ZNF823: variants seen among roughly 807,000 people sequenced by gnomAD.
The protein encoded by ZNF823 is zinc finger protein 823.
In ZNF823, 5 loss-of-function variants were observed where a neutral mutation model predicts 11.4. That is an observed-to-expected ratio of 0.44 (90% CI 0.23 to 0.92). The LOEUF (loss-of-function observed/expected upper bound fraction) is 0.92. Among genes scored for constraint, ZNF823 ranks in the 40% least tolerant of loss-of-function variants. The probability of loss-of-function intolerance (pLI) is 0.24; values close to 1 mark genes in which losing one functional copy is unlikely to be tolerated. For missense variants in ZNF823, 582 were observed against 738.5 expected (o/e 0.79, Z 2.46); for synonymous variants, 234 against 250.5 (o/e 0.93, Z 0.62).
At chr19:11,735,966 A>C (rs1974985766) in intron 1 of ZNF823, among the ~76,000 whole-genome samples, 1 of 149,452 alleles carries the variant, frequency 6.7e-6, no homozygotes. Flanking sequence ...AGCTGTTGGA[A>C]AGTCCTGTCC....
intron 3 of ZNF823, 65 bp downstream of exon 3, chr19:11,724,129 A>T: frequency 7.4e-7 from 1 of 1,359,366 alleles, no homozygotes; most frequent in Non-Finnish European, 1.0e-6. Context: ...GCTCGTTTTT[A>T]AAATTTTCTT....
At position 11,722,444 on chromosome 19, in the gene ZNF823, G is replaced by A; in HGVS notation, c.1090C>T (p.Gln364Ter). The change falls in exon 4 of 4, where the codon CAG (glutamine) becomes TAG (stop). Residue 364 changes from glutamine to a stop codon, truncating the protein, a stop_gained. Transcript: ENST00000341191. LOFTEE classifies it low-confidence loss of function (END_TRUNC). This position sits in a 1 kb window ranked among gnomAD's most constrained non-coding sequence, Gnocchi z 5.2. ...CTATGAGATAACACTTTCCCACACT[G>A]CTTACATTCATAGGGTTTCTCTCCA... ...HTGEKPYECKQCGKVLSHSSS... is the reference protein window; with the variant it reads ...HTGEKPYECK 6.2e-7 allele frequency: 1 copy of A among 1,613,896 alleles called. No homozygotes were observed. The highest frequency in any genetic ancestry group is 2.2e-5 in the East Asian group (1 of 44,836).
chr19:11,728,119 C>T (rs897314649), intron 1 of ZNF823, among the ~76,000 whole-genome samples: 8 of 152,088 alleles, frequency 5.3e-5, no homozygotes, highest in African/African-American at 1.7e-4. Flanking sequence ...CCTCGTAATC[C>T]GCCCGCCTCG....
chr19:11,732,797 C>T (rs376604548), intron 1 of ZNF823, among the ~76,000 whole-genome samples: 3 of 152,304 alleles, frequency 2.0e-5, no homozygotes, highest in African/African-American at 7.2e-5. Flanking sequence ...GAAGCTGTCC[C>T]GATGTCTTTG....
At chr19:11,724,407 T>C (rs1456519803) in intron 2 of ZNF823, among the ~76,000 whole-genome samples, 153 bp from the exon 3 acceptor site, 2 of 152,144 alleles carry the variant, frequency 1.3e-5, no homozygotes, top group East Asian at 3.8e-4. Flanking sequence ...GCTCCACTCA[T>C]ACATGAATGT....
intron 1 of ZNF823, among the ~76,000 whole-genome samples, chr19:11,730,227 C>T (rs577765119): frequency 1.3e-5 from 2 of 152,068 alleles, no homozygotes; most frequent in South Asian, 4.2e-4. Context: ...CGTGCCTGGC[C>T]GTTTTCTTAT....
chr19:11,732,419 C>T (rs1974915814), intron 1 of ZNF823, among the ~76,000 whole-genome samples: 1 of 152,002 alleles, frequency 6.6e-6, no homozygotes, highest in Non-Finnish European at 1.5e-5. Context: ...CCCGCCTCAG[C>T]CTCCCAAAGT....
Position 11,721,806 on chromosome 19 carries a change from A to G in ZNF823, c.1728T>C (p.Thr576=), listed in dbSNP as rs1974683628. ...ATTCATACAGCTTCTCTCCAGTGTG[A>G]GTTTTTTCATGTCCTCGAAGGAAAC... ...RSRFLRGHEK[T]HTGEKLYECK... The change falls in exon 4 of 4, where the codon ACT becomes ACC. Residue 576 remains threonine, a synonymous_variant. Coordinates refer to ENST00000341191, the MANE Select transcript of ZNF823 (RefSeq NM_001080493.4). The G allele has an allele frequency of 6.2e-7, 1 of 1,614,108 alleles. No individual in the cohort carries two copies. Among genetic ancestry groups the G allele is most frequent in the African/African-American group, 1.3e-5 (1 of 75,008 alleles).
At chr19:11,729,475 C>A (rs1974855004) in intron 1 of ZNF823, among the ~76,000 whole-genome samples, 1 of 152,134 alleles carries the variant, frequency 6.6e-6, no homozygotes, top group African/African-American at 2.4e-5. Flanking sequence ...TAAGGCAAAA[C>A]TTATAAAACC....
In ZNF823 at chr19:11,722,228, C is replaced by A. The variant is rs773204771; in HGVS notation, c.1306G>T (p.Ala436Ser). ...SLAGSLRRHE[A>S]THTGVKPYKC... ...TAGGGTTTCACTCCAGTGTGAGTTGCTTCATGTCTTCGAAGGGAACCGGCA... is the reference window on the plus strand; with the variant it reads ...TAGGGTTTCACTCCAGTGTGAGTTGATTCATGTCTTCGAAGGGAACCGGCA... The change falls in exon 4 of 4, where the codon GCA (alanine) becomes TCA (serine). Residue 436 changes from alanine to serine, a missense_variant. This residue lies in a region of ZNF823 where 429 missense variants were observed against 553.7 expected (regional missense o/e 0.77). Transcript: ENST00000341191. This position sits in a 1 kb window ranked among gnomAD's most constrained non-coding sequence, Gnocchi z 5.2. 1 of 1,613,130 alleles carries A rather than the reference C, an allele frequency of 6.2e-7. No individual in the cohort carries two copies. Among genetic ancestry groups the A allele is most frequent in the Admixed American group, 1.7e-5 (1 of 59,930 alleles).
intron 1 of ZNF823, among the ~76,000 whole-genome samples, chr19:11,737,511 C>T (rs1975013830): frequency 6.6e-6 from 1 of 151,436 alleles, no homozygotes; most frequent in Non-Finnish European, 1.5e-5. Flanking sequence ...ATCCGCCAGC[C>T]TTAGCCTCCC....
intron 1 of ZNF823, chr19:11,730,374 A>T: frequency 6.6e-6 from 1 of 152,360 alleles, no homozygotes. Context: ...CTTGAGTTTG[A>T]GAACAGCCTA....
At chr19:11,727,248 C>G (rs368704327) in intron 1 of ZNF823, among the ~76,000 whole-genome samples, 1 of 152,068 alleles carries the variant, frequency 6.6e-6, no homozygotes, top group African/African-American at 2.4e-5. Flanking sequence ...TGGTGGCTCA[C>G]GACTGTAATC....
At chr19:11,731,280 C>T (rs1974889478) in intron 1 of ZNF823, among the ~76,000 whole-genome samples, 1 of 152,018 alleles carries the variant, frequency 6.6e-6, no homozygotes. Context: ...CCATTGCACT[C>T]CAGCCTGGGC....
Position 11,722,303 on chromosome 19 carries a change from T to G in ZNF823, c.1231A>C (p.Thr411Pro). ...TTACATTGATAGGGTTTCTCTCCAG[T>G]GTGAGTCCTTTCATGTCTTTGAAAT... is the stretch of plus-strand genomic sequence containing the variant. ...SLFQRHERTH[T>P]GEKPYQCKQC... The change falls in exon 4 of 4, where the codon ACT (threonine) becomes CCT (proline). Residue 411 changes from threonine to proline, a missense_variant. Physicochemically the swap from Thr to Pro is conservative, Grantham distance 38 (BLOSUM62 -1). Transcript: ENST00000341191. This position sits in a 1 kb window ranked among gnomAD's most constrained non-coding sequence, Gnocchi z 5.2. 2 of 1,614,216 alleles carry G rather than the reference T, an allele frequency of 1.2e-6. No individual in the cohort carries two copies. The highest frequency in any genetic ancestry group is 1.7e-6 in the Non-Finnish European group (2 of 1,180,008).
rs1408809958 is a variant in ZNF823, at chr19:11,722,491, C to T, written c.1043G>A (p.Arg348Gln). ...GKGFDCPSSV[R>Q]NHETTHTGEK... is the part of the protein sequence containing the mutation. ...TCCAGTGTGAGTAGTTTCATGATTT[C>T]GAACTGAACTAGGACAATCAAAGCC... is the stretch of plus-strand genomic sequence containing the variant. The change falls in exon 4 of 4, where the codon CGA becomes CAA. Residue 348 changes from arginine (R) to glutamine (Q), a missense_variant. Arg to Gln is a conservative substitution (Grantham distance 43). This residue lies in a region of ZNF823 where 429 missense variants were observed against 553.7 expected (regional missense o/e 0.77). Coordinates refer to ENST00000341191, the MANE Select transcript of ZNF823 (RefSeq NM_001080493.4). This position sits in a 1 kb window ranked among gnomAD's most constrained non-coding sequence, Gnocchi z 5.2. The T allele has an allele frequency of 3.1e-6, 5 of 1,613,820 alleles. No homozygotes were observed. Among genetic ancestry groups the T allele is most frequent in the East Asian group, 2.2e-5 (1 of 44,864 alleles).
chr19:11,731,902 G>C (rs1028667057), intron 1 of ZNF823, among the ~76,000 whole-genome samples: 1 of 151,566 alleles, frequency 6.6e-6, no homozygotes, highest in Non-Finnish European at 1.5e-5. Flanking sequence ...CCAGCTACTC[G>C]GGAGGCTGAG....
At chr19:11,723,615 G>A (rs981412858) in intron 3 of ZNF823, among the ~76,000 whole-genome samples, 5 of 151,970 alleles carry the variant, frequency 3.3e-5, no homozygotes, top group East Asian at 1.9e-4. Flanking sequence ...GCACAGTCTC[G>A]GCTCACTGCA....
At chr19:11,730,475 G>A (rs1244361035) in intron 1 of ZNF823, 3 of 152,146 alleles carry the variant, frequency 2.0e-5, no homozygotes, top group Non-Finnish European at 4.4e-5. Context: ...CATAGGAGAC[G>A]AAGGCAGGAG....
Sources: allele counts gnomAD v4.1 joint callset (sites outside exome capture counted in the v4.1 genomes callset), GRCh38; gene constraint gnomAD v4.1.1; regional missense constraint gnomAD v4.1.1; non-coding constraint Gnocchi (gnomAD v3.1); transcripts MANE v1.5; gene names NCBI Gene and HGNC (gene_info 2026-07-23, HGNC 2026-07-21).